MROH9: variants seen among roughly 807,000 people sequenced by gnomAD.
MROH9 encodes maestro heat like repeat family member 9.
A neutral mutation model predicts 98.2 loss-of-function variants in MROH9; 92 were observed. The ratio of observed to expected loss-of-function variants is 0.94; its 90% confidence interval spans 0.79 to 1.11. The LOEUF (loss-of-function observed/expected upper bound fraction) is 1.11. Ranked by LOEUF, MROH9 falls within the 50% of genes most tolerant of loss-of-function variation. The pLI is 0.00. For synonymous variants in MROH9, 397 were observed against 368.9 expected (o/e 1.08, Z -0.87); for missense variants, 1,057 against 1,014.8 (o/e 1.04, Z -0.57).
intron 8 of MROH9, 122 bp downstream of exon 8, chr1:170,972,005 C>A: frequency 9.7e-7 from 1 of 1,032,320 alleles, no homozygotes; most frequent in Non-Finnish European, 1.4e-6. Context: ...AGAGTCATGG[C>A]TATACTTTCT....
rs925153915 is a variant in MROH9 at position 171,025,402 on chromosome 1, G to A, written c.2263G>A (p.Ala755Thr). The A allele has an allele frequency of 6.5e-7, 1 of 1,546,174 alleles. No homozygotes were observed. The highest frequency in any genetic ancestry group is 1.4e-5 in the African/African-American group (1 of 72,870). ...GAGCCCCAGAACATATCTTAAGAGG[G>A]CATCGGTTATTTTGATAGGTAAATA... is the stretch of plus-strand genomic sequence containing the variant. ...LWSPRTYLKR[A>T]SVILIGYLAK... The change falls in exon 20 of 22, where the codon GCA becomes ACA. Residue 755 changes from alanine (A) to threonine (T), a missense_variant. By Grantham distance (58) the Ala-to-Thr change is moderately conservative (BLOSUM62 0). Coordinates refer to ENST00000367759, the MANE Select transcript of MROH9 (RefSeq NM_001163629.2).
intron 11 of MROH9, among the ~76,000 whole-genome samples, chr1:170,990,832 T>G (rs888772903): frequency 3.9e-5 from 6 of 152,226 alleles, no homozygotes; most frequent in African/African-American, 1.4e-4. Flanking sequence ...AGATATGTTA[T>G]GTGGGTTGCT....
chr1:171,017,610 C>T (rs1040576137), intron 17 of MROH9, among the ~76,000 whole-genome samples: 12 of 152,174 alleles, frequency 7.9e-5, no homozygotes, highest in African/African-American at 2.9e-4. Context: ...GGAGGGGTGG[C>T]AGCTGGCACT....
At chr1:170,946,339 T>G (rs1180951638) in intron 2 of MROH9, among the ~76,000 whole-genome samples, 1 of 151,934 alleles carries the variant, frequency 6.6e-6, no homozygotes, top group Non-Finnish European at 1.5e-5. Context: ...ACCTAACCAG[T>G]GCTCTTCAAA....
chr1:171,005,036 A>T (rs1019055170), intron 15 of MROH9, among the ~76,000 whole-genome samples: 1 of 151,710 alleles, frequency 6.6e-6, no homozygotes, highest in African/African-American at 2.4e-5. Flanking sequence ...TGAAGATTAC[A>T]TTGAATGTGT....
Position 171,062,189 on chromosome 1 carries a change from T to A in MROH9, c.2339T>A (p.Leu780His). ...CTTAGAGATGAAATCGAAGTCATGC[T>A]TGATGGTGAGTATTGAGGTTATAAC... is the stretch of plus-strand genomic sequence containing the variant. ...LLLRDEIEVMLDVIERLLRDE... is the reference protein window; with the variant it reads ...LLLRDEIEVMHDVIERLLRDE... The change falls in exon 21 of 22, where the codon CTT becomes CAT. Residue 780 changes from leucine (L) to histidine (H), a missense_variant. Transcript: ENST00000367759. The A allele has an allele frequency of 6.5e-7, 1 of 1,547,716 alleles. No homozygotes were observed. Among genetic ancestry groups the A allele is most frequent in the Non-Finnish European group, 8.7e-7 (1 of 1,143,522 alleles).
chr1:170,959,404 C>T, intron 4 of MROH9, 58 bp from the exon 5 acceptor site: 1 of 1,374,422 alleles, frequency 7.3e-7, no homozygotes, highest in Non-Finnish European at 9.9e-7. Context: ...ATAAAGCCCA[C>T]TAAATTTCTA....
At chr1:170,976,565 G>T (rs1279364187) in intron 8 of MROH9, among the ~76,000 whole-genome samples, 1 of 152,128 alleles carries the variant, frequency 6.6e-6, no homozygotes, top group East Asian at 1.9e-4. Flanking sequence ...TGGCCAACAT[G>T]GTGAAACCTC....
chr1:170,990,476 C>A (rs1453712309), intron 11 of MROH9, among the ~76,000 whole-genome samples: 1 of 152,074 alleles, frequency 6.6e-6, no homozygotes, highest in African/African-American at 2.4e-5. Flanking sequence ...AACTATTAGA[C>A]TGAAATTTAT....
At chr1:170,978,131 G>A (rs1221271514) in intron 8 of MROH9, among the ~76,000 whole-genome samples, 3 of 152,170 alleles carry the variant, frequency 2.0e-5, no homozygotes, top group Non-Finnish European at 4.4e-5. Flanking sequence ...TGGAGCTGCT[G>A]TTACTGAGAT....
intron 3 of MROH9, among the ~76,000 whole-genome samples, chr1:170,949,700 G>T (rs2101876360): frequency 6.6e-6 from 1 of 152,154 alleles, no homozygotes; most frequent in East Asian, 1.9e-4. Context: ...GACCTTGAAA[G>T]TGACACTCTC....
chr1:170,935,603 T>G lies in MROH9; in HGVS notation c.-38+16T>G, dbSNP rs1648842862. On this transcript the variant is annotated intron_variant, in intron 1 of 21. Transcript: ENST00000367759. ...TTACAAATATGTAAGTGAATTCCTA[T>G]TAATATTTCTGTCATTCAAAAGCTT... 6.6e-6 allele frequency: 1 copy of G among 152,224 alleles called. No homozygotes were observed. Among genetic ancestry groups the G allele is most frequent in the Non-Finnish European group, 1.5e-5 (1 of 68,038 alleles). The allele number at this position is 152,224 out of a possible 1,614,324, so 9.4% of individuals were successfully genotyped here.
At chr1:170,987,043 T>C (rs1029322843) in intron 10 of MROH9, among the ~76,000 whole-genome samples, 7 of 144,850 alleles carry the variant, frequency 4.8e-5, no homozygotes, top group East Asian at 3.9e-4. Context: ...TTTGTAGAGA[T>C]GGAGGTCTTA....
chr1:170,945,075 T>C (rs954028126), intron 1 of MROH9, among the ~76,000 whole-genome samples: 3 of 151,872 alleles, frequency 2.0e-5, no homozygotes, highest in Non-Finnish European at 4.4e-5. Flanking sequence ...AGATTGGTAG[T>C]GTGAGATGGC....
intron 12 of MROH9, 83 bp from the exon 13 acceptor site, chr1:170,995,306 C>A: frequency 1.4e-6 from 2 of 1,466,304 alleles, no homozygotes; most frequent in Non-Finnish European, 1.9e-6. Flanking sequence ...GTTGCAGAGT[C>A]ACTCTCTTGC....
At chr1:171,015,158 G>A in intron 16 of MROH9, 1 of 428,652 alleles carries the variant, frequency 2.3e-6, no homozygotes, top group South Asian at 1.8e-5. Flanking sequence ...CATAGTCTCT[G>A]AGAACTGAAG....
intron 20 of MROH9, among the ~76,000 whole-genome samples, chr1:171,047,944 A>G (rs1920138): frequency 2.8e-4 from 43 of 152,302 alleles, no homozygotes; most frequent in African/African-American, 8.9e-4. Flanking sequence ...AGATCTGTGA[A>G]AATTCTCTGG....
rs529163608 is a variant in MROH9 at position 170,967,700 on chromosome 1, T to G, written c.480+2445T>G. Among the ~76,000 whole-genome samples the G allele has an allele frequency of 2.6e-5, 4 of 152,348 alleles. No individual in the cohort carries two copies. In the East Asian group the frequency reaches 7.7e-4, roughly 29 times the overall value. ...TCATAAACATTTTTAAAGTGATGAT[T>G]TGTCTCACATGACTCATGTGCCCAT... On this transcript the variant is annotated intron_variant, in intron 7 of 21. Coordinates refer to ENST00000367759, the MANE Select transcript of MROH9 (RefSeq NM_001163629.2).
chr1:170,952,749 TA>T (rs902663907), intron 3 of MROH9, among the ~76,000 whole-genome samples: 9 of 147,916 alleles, frequency 6.1e-5, no homozygotes, highest in Admixed American at 4.7e-4. Flanking sequence ...TAAAGTATAA[TA>T]AAAAATATAT....
Sources: allele counts gnomAD v4.1 joint callset (sites outside exome capture counted in the v4.1 genomes callset), GRCh38; gene constraint gnomAD v4.1.1; transcripts MANE v1.5; gene names NCBI Gene and HGNC (gene_info 2026-07-23, HGNC 2026-07-21).